Variants in PDXK observed in about 807,000 individuals in gnomAD.
PDXK encodes pyridoxal kinase.
PDXK carries 15 observed loss-of-function variants against 43.2 expected under a neutral mutation model. The ratio of observed to expected loss-of-function variants is 0.35; its 90% confidence interval spans 0.23 to 0.53. PDXK has a LOEUF of 0.53. PDXK is among the 20% of genes least tolerant of loss of function. The probability of loss-of-function intolerance (pLI) is 0.92; values close to 1 mark genes in which losing one functional copy is unlikely to be tolerated. For missense variants in PDXK, 343 were observed against 417.0 expected (o/e 0.82, Z 1.54); for synonymous variants, 172 against 165.4 (o/e 1.04, Z -0.31).
intron 1 of PDXK, among the ~76,000 whole-genome samples, chr21:43,724,375 C>T (rs1030292107): frequency 6.6e-6 from 1 of 152,090 alleles, no homozygotes; most frequent in Non-Finnish European, 1.5e-5. Flanking sequence ...GCTTACTGGG[C>T]CCCGCTTCTC....
Position 43,732,746 on chromosome 21 carries a change from T to C in PDXK, c.88-1323T>C. On this transcript the variant is annotated intron_variant, in intron 1 of 10. Transcript: ENST00000291565. This position sits in a 1 kb window ranked among gnomAD's most constrained non-coding sequence, Gnocchi z 4.1. ...TGCAAAGTGCCCATTTTATTTTTTA[T>C]TTTTATTTTTATGTTTTTTGAGACA... The C allele has an allele frequency of 1.4e-5, 9 of 666,004 alleles. No individual in the cohort carries two copies. In the South Asian group the frequency reaches 1.6e-4, roughly 12 times the overall value. 41.3% of individuals were successfully genotyped at this position (666,004 alleles called of 1,614,324 possible). A position where few individuals can be genotyped will look rare whatever the true frequency, so the allele number is the denominator to read the frequency against.
In PDXK at chr21:43,733,743, A is replaced by G. The variant is rs932070726; in HGVS notation, c.88-326A>G. On this transcript the variant is annotated intron_variant, in intron 1 of 10. Transcript: ENST00000291565. ...GTTTTATTGTTTGTTAGTCTTATTG[A>G]GTGCTTTCGCTGGGTGCGATTTCTG... The G allele has an allele frequency of 7.9e-6, 8 of 1,010,712 alleles. No homozygotes were observed. The Admixed American group carries it at 1.4e-4, about 18-fold the overall frequency. The allele number at this position is 1,010,712 out of a possible 1,614,324, so 62.6% of individuals were successfully genotyped here.
intron 1 of PDXK, among the ~76,000 whole-genome samples, chr21:43,721,293 A>G (rs187439523): frequency 4.6e-5 from 7 of 152,382 alleles, no homozygotes; most frequent in Non-Finnish European, 8.8e-5. Flanking sequence ...CGTGTCCCCA[A>G]AGTCTAGAGC....
intron 1 of PDXK, among the ~76,000 whole-genome samples, chr21:43,725,564 C>T (rs994416952): frequency 9.2e-5 from 14 of 152,048 alleles, no homozygotes; most frequent in Admixed American, 4.6e-4. Flanking sequence ...AATCCCAGCA[C>T]TTTGGGAGGC....
chr21:43,762,267 A>G lies in PDXK; in HGVS notation c.*6204A>G, dbSNP rs1601850907. On this transcript the variant is annotated 3_prime_UTR_variant, in exon 11 of 11. Coordinates refer to ENST00000291565, the MANE Select transcript of PDXK (RefSeq NM_003681.5). ...TTTCGTGCTGGTCCTGTTGACTTGT[A>G]TGATATCCACAAATAAATATTTTCA... The G allele has an allele frequency of 6.6e-6, 1 of 152,196 alleles. No individual in the cohort carries two copies. The highest frequency in any genetic ancestry group is 2.4e-5 in the African/African-American group (1 of 41,418). The allele number at this position is 152,196 out of a possible 1,614,324, so 9.4% of individuals were successfully genotyped here.
At chr21:43,719,695 A>G in intron 1 of PDXK, 2 of 985,394 alleles carry the variant, frequency 2.0e-6, no homozygotes, top group African/African-American at 1.7e-5. Flanking sequence ...GACCGGGCCA[A>G]CTGCCGCGGG....
intron 1 of PDXK, among the ~76,000 whole-genome samples, chr21:43,733,128 C>T (rs1459267094): frequency 6.6e-6 from 1 of 152,060 alleles, no homozygotes; most frequent in East Asian, 1.9e-4. Context: ...GTGATAATAC[C>T]GGCTTCAAAG....
In PDXK at chr21:43,758,792, C is replaced by G. The variant is rs1324130493; in HGVS notation, c.*2729C>G. The G allele has an allele frequency of 6.6e-6, 1 of 152,214 alleles. No individual in the cohort carries two copies. The highest frequency in any genetic ancestry group is 1.5e-5 in the Non-Finnish European group (1 of 68,040). The allele number at this position is 152,214 out of a possible 1,614,324, so 9.4% of individuals were successfully genotyped here. On this transcript the variant is annotated 3_prime_UTR_variant, in exon 11 of 11. Transcript: ENST00000291565. ...TCAGGGTACAGAAGTTTAATACTTT[C>G]TTAATCCAGTTTTTCAAACTTCTCC...
At chr21:43,749,233 T>C (rs1289918748) in intron 6 of PDXK, among the ~76,000 whole-genome samples, 153 bp downstream of exon 6, 1 of 152,102 alleles carries the variant, frequency 6.6e-6, no homozygotes, top group Non-Finnish European at 1.5e-5. Flanking sequence ...GCCTCCCGAG[T>C]AGCTGGGATG....
At chr21:43,752,496 A>C (rs1350795767) in intron 7 of PDXK, 22 bp from the exon 8 acceptor site, 1 of 1,540,028 alleles carries the variant, frequency 6.5e-7, no homozygotes, top group East Asian at 2.2e-5. Context: ...GCCGTGGCTG[A>C]CGCTCCCTGT....
rs538547461 is a variant in PDXK at position 43,728,047 on chromosome 21, G to A, written c.88-6022G>A. Among the ~76,000 whole-genome samples the A allele has an allele frequency of 4.3e-4, 65 of 152,356 alleles. 1 individual carries two copies. Among genetic ancestry groups the A allele is most frequent in the Middle Eastern group, 3.4e-3 (1 of 294 alleles). On this transcript the variant is annotated intron_variant, in intron 1 of 10. Coordinates refer to ENST00000291565, the MANE Select transcript of PDXK (RefSeq NM_003681.5). The stretch of plus-strand genomic sequence containing the variant: ...GTCCCTCTGCGGCACTGTGAGCCTG[G>A]AAGTAGGGAGCTGGGTGTCCATGTG...
At chr21:43,751,366 T>C (rs1194540301) in intron 7 of PDXK, among the ~76,000 whole-genome samples, 1 of 152,092 alleles carries the variant, frequency 6.6e-6, no homozygotes, top group African/African-American at 2.4e-5. Flanking sequence ...CTGGCCAACA[T>C]GGTAAAACCC....
chr21:43,727,385 C>T (rs1445682004), intron 1 of PDXK, among the ~76,000 whole-genome samples: 8 of 152,232 alleles, frequency 5.3e-5, no homozygotes, highest in Non-Finnish European at 1.0e-4. Context: ...GCCCACAGAG[C>T]AGCCGCCTTG....
chr21:43,745,907 G>A, intron 4 of PDXK, 172 bp from the exon 5 acceptor site: 1 of 639,114 alleles, frequency 1.6e-6, no homozygotes. Context: ...TGAGGCAGGA[G>A]GATCGCCCGA....
intron 1 of PDXK, among the ~76,000 whole-genome samples, chr21:43,720,925 A>T (rs2083201647): frequency 6.6e-6 from 1 of 152,078 alleles, no homozygotes; most frequent in Non-Finnish European, 1.5e-5. Flanking sequence ...CTCACTCGGG[A>T]TCCCCCAGCA....
At position 43,734,071 on chromosome 21, in the gene PDXK, T is replaced by C; in HGVS notation, c.90T>C (p.Val30=). The C allele has an allele frequency of 6.2e-7, 1 of 1,614,150 alleles. No homozygotes were observed. The highest frequency in any genetic ancestry group is 8.5e-7 in the Non-Finnish European group (1 of 1,179,986). The change falls in exon 2 of 11, where the codon GTT becomes GTC. Residue 30 remains valine (V), a splice_region_variant and synonymous_variant. Coordinates refer to ENST00000291565, the MANE Select transcript of PDXK (RefSeq NM_003681.5). The surrounding 1 kb of genome is among the most constrained non-coding windows in gnomAD (Gnocchi z 5.0). ...GNRAATFPLQ[V]LGFEIDAVNS... ...CCTGTTCCTTCTCTGTCTTGCAGGT[T>C]TTGGGATTTGAGATTGACGCGGTGA...
At chr21:43,750,967 T>TGTGTGTGTGTGTGC (rs1680115747) in intron 7 of PDXK, among the ~76,000 whole-genome samples, 1 of 128,790 alleles carries the variant, frequency 7.8e-6, no homozygotes, top group Non-Finnish European at 1.5e-5. Context: ...TGTGCATGTG[T>TGTGTGTGTGTGTGC]GTGTGTGTGT....
intron 1 of PDXK, chr21:43,719,614 G>T: frequency 3.0e-6 from 3 of 985,412 alleles, no homozygotes; most frequent in Non-Finnish European, 3.6e-6. Context: ...GTCCGGCGTC[G>T]GGGTACGCGG....
intron 8 of PDXK, among the ~76,000 whole-genome samples, 169 bp from the exon 9 acceptor site, chr21:43,753,414 T>G (rs2083789984): frequency 1.3e-5 from 2 of 152,148 alleles, no homozygotes; most frequent in African/African-American, 4.8e-5. Flanking sequence ...CTTGCTGCGG[T>G]GATGGGGACC....
Sources: gnomAD v4.1 joint callset for allele counts (sites outside exome capture counted in the v4.1 genomes callset) on GRCh38, gnomAD v4.1.1 for gene constraint, Gnocchi (gnomAD v3.1) non-coding constraint, MANE v1.5 for transcripts, NCBI Gene and HGNC (gene_info 2026-07-23, HGNC 2026-07-21) for gene names.